STK3: variants seen among roughly 807,000 people sequenced by gnomAD.
STK3 encodes serine/threonine kinase 3.
STK3 carries 41 observed loss-of-function variants against 58.0 expected under a neutral mutation model. The ratio of observed to expected loss-of-function variants is 0.71; its 90% confidence interval spans 0.55 to 0.92. STK3 has a LOEUF of 0.92. Among genes scored for constraint, STK3 ranks in the 40% least tolerant of loss-of-function variants. STK3 has a pLI of 0.00. For missense variants in STK3, 479 were observed against 602.7 expected (o/e 0.79, Z 2.15); for synonymous variants, 170 against 191.0 (o/e 0.89, Z 0.91).
intron 1 of STK3, among the ~76,000 whole-genome samples, chr8:98,903,509 T>C (rs1010063375): frequency 3.3e-5 from 1 of 30,026 alleles, no homozygotes; most frequent in African/African-American, 1.8e-4. Context: ...CTTCTTCTTC[T>C]TCTTCTTCTT....
At chr8:98,650,983 C>T (rs981988934) in intron 6 of STK3, among the ~76,000 whole-genome samples, 1 of 152,226 alleles carries the variant, frequency 6.6e-6, no homozygotes, top group Admixed American at 6.5e-5. Context: ...GCTTTGAAGA[C>T]AGCAGTGGTT....
intron 10 of STK3, among the ~76,000 whole-genome samples, chr8:98,526,222 G>A (rs2131480010): frequency 6.6e-6 from 1 of 152,044 alleles, no homozygotes. Flanking sequence ...CAAAATAGGT[G>A]ATAAGGCAGT....
At chr8:98,933,316 T>C (rs1016371706) in intron 1 of STK3, among the ~76,000 whole-genome samples, 5 of 152,188 alleles carry the variant, frequency 3.3e-5, no homozygotes, top group Non-Finnish European at 5.9e-5. Context: ...AATACTATTG[T>C]ATACAGACCG....
chr8:98,882,285 T>G (rs1837823183), downstream of STK3: 1 of 152,174 alleles, frequency 6.6e-6, no homozygotes, highest in African/African-American at 2.4e-5. Flanking sequence ...ACGTAGTAGA[T>G]GTATATGTTT....
At chr8:98,465,370 T>C (rs1384599940) in intron 10 of STK3, among the ~76,000 whole-genome samples, 1 of 152,146 alleles carries the variant, frequency 6.6e-6, no homozygotes, top group Non-Finnish European at 1.5e-5. Flanking sequence ...AATCCAATGA[T>C]CATGTGAAAC....
At chr8:98,411,010 C>G (rs1393025201) in intron 3 of STK3, among the ~76,000 whole-genome samples, 1 of 152,164 alleles carries the variant, frequency 6.6e-6, no homozygotes, top group East Asian at 1.9e-4. Flanking sequence ...TCACCACCCC[C>G]CAGAAAGTCT....
At chr8:98,915,732 A>G (rs1839323826) in intron 1 of STK3, among the ~76,000 whole-genome samples, 1 of 151,888 alleles carries the variant, frequency 6.6e-6, no homozygotes, top group Non-Finnish European at 1.5e-5. Context: ...CGTGTTCATC[A>G]TTCTGTCACA....
intron 9 of STK3, 86 bp downstream of exon 9, chr8:98,547,883 A>G: frequency 8.1e-7 from 1 of 1,237,948 alleles, no homozygotes; most frequent in Non-Finnish European, 1.0e-6. Flanking sequence ...AGTTGGCTAT[A>G]AAAAGTAACA....
At chr8:98,741,121 C>T (rs1315878251) in intron 4 of STK3, among the ~76,000 whole-genome samples, 1 of 152,178 alleles carries the variant, frequency 6.6e-6, no homozygotes, top group Non-Finnish European at 1.5e-5. Flanking sequence ...TACATAGAGA[C>T]TTAGACTCCC....
intron 3 of STK3, among the ~76,000 whole-genome samples, chr8:98,433,956 G>GA (rs1256436147): frequency 6.6e-6 from 1 of 152,204 alleles, no homozygotes; most frequent in East Asian, 1.9e-4. Context: ...TTAGGCAGAG[G>GA]AAAATCAATA....
chr8:98,914,461 T>TACACACACACACAC (rs34753292), intron 1 of STK3, among the ~76,000 whole-genome samples: 2 of 143,510 alleles, frequency 1.4e-5, no homozygotes, highest in African/African-American at 5.1e-5. Context: ...AGCACATGCC[T>TACACACACACACAC]ACACACACAC....
chr8:98,661,952 T>C (rs1821997424), intron 6 of STK3, among the ~76,000 whole-genome samples: 2 of 152,122 alleles, frequency 1.3e-5, no homozygotes, highest in Non-Finnish European at 2.9e-5. Context: ...CCACAGTACT[T>C]ACCAAAATGT....
At chr8:98,475,868 T>C (rs771076196) in intron 10 of STK3, among the ~76,000 whole-genome samples, 3 of 152,222 alleles carry the variant, frequency 2.0e-5, no homozygotes, top group Non-Finnish European at 4.4e-5. Context: ...TTTCTGCCTA[T>C]GACCTTCTCA....
In STK3 at chr8:98,697,394, T is replaced by C. The variant is rs1475051663; in HGVS notation, c.684+9073A>G. Among the ~76,000 whole-genome samples the C allele has an allele frequency of 3.3e-5, 5 of 152,360 alleles. No homozygotes were observed. In the East Asian group the frequency reaches 7.7e-4, roughly 23 times the overall value. ...CTGATTTTAGTTACTTCTTGCCTTC[T>C]GCTAGCTTTTGAATGTGTTTGCTCT... On this transcript the variant is annotated intron_variant, in intron 6 of 10. Transcript: ENST00000419617.
Position 98,720,946 on chromosome 8 carries a change from AT to A in STK3, c.352-13636del, listed in dbSNP as rs543097994. The stretch of plus-strand genomic sequence containing the variant: ...AGCCATAAATAGGCAGTAAAAAAAA[AT>A]CATCCCTGAATATCAGACAGAGTAC... On this transcript the variant is annotated intron_variant, in intron 4 of 10. Coordinates refer to ENST00000419617, the MANE Select transcript of STK3 (RefSeq NM_006281.4). The A allele has an allele frequency of 2.7e-3, 772 of 288,256 alleles. 2 individuals carry two copies. Among genetic ancestry groups the A allele is most frequent in the Non-Finnish European group, 3.4e-3 (658 of 192,844 alleles). 17.9% of individuals were successfully genotyped at this position (288,256 alleles called of 1,614,324 possible).
intron 1 of STK3, among the ~76,000 whole-genome samples, chr8:98,780,107 T>A (rs1831986827): frequency 6.6e-6 from 1 of 151,652 alleles, no homozygotes; most frequent in South Asian, 2.1e-4. Flanking sequence ...AGATCACTAT[T>A]GTCATAACTA....
At chr8:98,725,880 T>G (rs573217856) in intron 4 of STK3, among the ~76,000 whole-genome samples, 1 of 152,306 alleles carries the variant, frequency 6.6e-6, no homozygotes, top group South Asian at 2.1e-4. Context: ...TAATATGATA[T>G]TAGATCAATT....
intron 6 of STK3, among the ~76,000 whole-genome samples, chr8:98,608,095 G>T (rs762053561): frequency 6.6e-6 from 1 of 151,962 alleles, no homozygotes; most frequent in Non-Finnish European, 1.5e-5. Context: ...GTTGAATTTT[G>T]GTGTAGTATG....
At chr8:98,573,462 C>G (rs193235524) in intron 8 of STK3, among the ~76,000 whole-genome samples, 1 of 151,856 alleles carries the variant, frequency 6.6e-6, no homozygotes, top group Non-Finnish European at 1.5e-5. Context: ...ATCACAAGAA[C>G]GGGGTGGTTG....
Sources: allele counts gnomAD v4.1 joint callset (sites outside exome capture counted in the v4.1 genomes callset), GRCh38; gene constraint gnomAD v4.1.1; transcripts MANE v1.5; gene names NCBI Gene and HGNC (gene_info 2026-07-23, HGNC 2026-07-21).